The following SLC35F5 variants were observed in gnomAD, a reference collection of about 807,000 sequenced individuals.
SLC35F5 encodes solute carrier family 35 member F5.
In SLC35F5, 54 loss-of-function variants were observed where a neutral mutation model predicts 68.6. The observed-to-expected ratio is 0.79, with a 90% CI of 0.63 to 0.99. The LOEUF (loss-of-function observed/expected upper bound fraction) is 0.99. SLC35F5 is among the 50% of genes least tolerant of loss of function. The pLI is 0.00. For missense variants in SLC35F5, 567 were observed against 626.9 expected, an observed-to-expected ratio of 0.90 and a Z score of 1.02; for synonymous variants, 211 against 205.2, an observed-to-expected ratio of 1.03 and a Z score of -0.24.
At chr2:113,723,442 T>C (rs1250729735) in intron 12 of SLC35F5, among the ~76,000 whole-genome samples, 3 of 152,196 alleles carry the variant, frequency 2.0e-5, no homozygotes, top group African/African-American at 7.2e-5. Flanking sequence ...AAGAGCTGTT[T>C]GCAGATCTTA....
In SLC35F5 at chr2:113,717,769, A is replaced by C; in HGVS notation, c.*6T>G. Reference sequence around the variant, plus strand: ...CATACAAACCTGGGCTACAGACAACAGACAGCTAACTAGCTCCATCCTCCT... The same window carrying C: ...CATACAAACCTGGGCTACAGACAACCGACAGCTAACTAGCTCCATCCTCCT... On this transcript the variant is annotated 3_prime_UTR_variant, in exon 15 of 16. Transcript: ENST00000245680. The C allele has an allele frequency of 6.2e-7, 1 of 1,610,852 alleles. No individual in the cohort carries two copies. Among genetic ancestry groups the C allele is most frequent in the East Asian group, 2.2e-5 (1 of 44,850 alleles).
intron 10 of SLC35F5, 142 bp from the exon 11 acceptor site, chr2:113,729,647 T>C: frequency 1.7e-6 from 1 of 584,186 alleles, no homozygotes; most frequent in Non-Finnish European, 3.0e-6. Context: ...TTTATATTGA[T>C]ATAAAGATAT....
chr2:113,707,027 T>C lies in SLC35F5; in HGVS notation c.*8191A>G, dbSNP rs1686816931. ...TAGGAATTATAATTAATTTTATAAT[T>C]GTGTTTAAATTTTAAATACTCTAGA... On this transcript the variant is annotated 3_prime_UTR_variant, in exon 16 of 16. Coordinates refer to ENST00000245680, the MANE Select transcript of SLC35F5 (RefSeq NM_025181.5). Among the ~76,000 whole-genome samples the C allele has an allele frequency of 6.6e-6, 1 of 152,222 alleles. No homozygotes were observed. The highest frequency in any genetic ancestry group is 2.4e-5 in the African/African-American group (1 of 41,458).
intron 3 of SLC35F5, among the ~76,000 whole-genome samples, chr2:113,752,836 G>A (rs1227947126): frequency 6.6e-6 from 1 of 152,062 alleles, no homozygotes; most frequent in Non-Finnish European, 1.5e-5. Flanking sequence ...ATGATCTTAA[G>A]GAATTACAGT....
At chr2:113,706,355 CG>C (rs921228702), downstream of SLC35F5, among the ~76,000 whole-genome samples, 60 of 152,220 alleles carry the variant, frequency 3.9e-4, no homozygotes, top group Non-Finnish European at 7.4e-4. Flanking sequence ...TGCTCTGCTG[CG>C]GGGGTTGTGC....
At chr2:113,728,179 C>A (rs948392852) in intron 11 of SLC35F5, among the ~76,000 whole-genome samples, 6 of 152,000 alleles carry the variant, frequency 3.9e-5, no homozygotes, top group Non-Finnish European at 8.8e-5. Flanking sequence ...TTCTTGAATT[C>A]TATATTTAAA....
At chr2:113,722,293 G>T (rs188953992) in intron 13 of SLC35F5, among the ~76,000 whole-genome samples, 1 of 152,078 alleles carries the variant, frequency 6.6e-6, no homozygotes, top group Non-Finnish European at 1.5e-5. Flanking sequence ...AGAAAAATAG[G>T]TTTAAAATTT....
chr2:113,745,579 G>A (rs1676452854), intron 5 of SLC35F5, among the ~76,000 whole-genome samples: 1 of 152,092 alleles, frequency 6.6e-6, no homozygotes, highest in African/African-American at 2.4e-5. Context: ...CTGAGACAAG[G>A]TGATTGCTTA....
intron 4 of SLC35F5, among the ~76,000 whole-genome samples, chr2:113,747,503 C>G (rs989325566): frequency 2.0e-5 from 3 of 152,070 alleles, no homozygotes; most frequent in Admixed American, 1.3e-4. Context: ...TAAAAGAACC[C>G]TAACAAATCA....
In SLC35F5 at chr2:113,717,740, C is replaced by T. The variant is rs1358138925; in HGVS notation, c.*22+13G>A. On this transcript the variant is annotated intron_variant, in intron 15 of 15. Coordinates refer to ENST00000245680, the MANE Select transcript of SLC35F5 (RefSeq NM_025181.5). ...GAACCTTATTCAATACTAAACCCAG[C>T]TCACATACAAACCTGGGCTACAGAC... 1.3e-6 allele frequency: 2 copies of T among 1,536,742 alleles called. No individual in the cohort carries two copies. The highest frequency in any genetic ancestry group is 2.2e-5 in the East Asian group (1 of 44,446).
intron 8 of SLC35F5, 144 bp from the exon 9 acceptor site, chr2:113,734,817 A>C: frequency 1.7e-6 from 1 of 603,460 alleles, no homozygotes; most frequent in Non-Finnish European, 3.0e-6. Flanking sequence ...AAATGACTGC[A>C]GTTAAGTAAT....
At chr2:113,721,600 A>G (rs879880377) in intron 13 of SLC35F5, among the ~76,000 whole-genome samples, 3 of 152,146 alleles carry the variant, frequency 2.0e-5, no homozygotes, top group African/African-American at 7.2e-5. Context: ...TGTTTTTAAA[A>G]TATCAGTACA....
intron 14 of SLC35F5, among the ~76,000 whole-genome samples, chr2:113,718,885 GA>G (rs1687292179): frequency 6.9e-5 from 3 of 43,226 alleles, no homozygotes; most frequent in African/African-American, 1.8e-4. Context: ...AAGAAAGAAA[GA>G]AAGAAAGAAA....
rs780904923 is a variant in SLC35F5 at position 113,755,190 on chromosome 2, C to A, written c.248G>T (p.Trp83Leu). 2.5e-6 allele frequency: 4 copies of A among 1,613,974 alleles called. No homozygotes were observed. Residue 83 changes from tryptophan to leucine, a missense_variant, in exon 3 of 16, where the codon TGG becomes TTG. Coordinates refer to ENST00000245680, the MANE Select transcript of SLC35F5 (RefSeq NM_025181.5). ...IVILLLVDVI[W>L]VASSELTSYV... ...CGAAGTAAGTTCAGAGGAAGCAACC[C>A]ATATCACATCAACAAGCAGAAGAAT...
intron 11 of SLC35F5, among the ~76,000 whole-genome samples, chr2:113,727,286 AC>A (rs1349431410): frequency 1.3e-5 from 2 of 152,172 alleles, no homozygotes; most frequent in Admixed American, 1.3e-4. Context: ...TTTATAAATT[AC>A]CCAGTCTCAG....
At chr2:113,751,966 C>A (rs943264267) in intron 3 of SLC35F5, among the ~76,000 whole-genome samples, 2 of 152,194 alleles carry the variant, frequency 1.3e-5, no homozygotes, top group Admixed American at 1.3e-4. Flanking sequence ...AATCCCAACA[C>A]TTTGGAAGGC....
Position 113,719,248 on chromosome 2 carries a change from C to A in SLC35F5, c.1402G>T (p.Val468Leu). ...TTATTATAATGGCATAGGAGAGTTACAATAAAAAATGAAAAAAATACAGGG... is the reference window on the plus strand; with the variant it reads ...TTATTATAATGGCATAGGAGAGTTAAAATAAAAAATGAAAAAAATACAGGG... ...AIPVFFSFFI[V>L]TLLCHYNNWD... Residue 468 changes from valine to leucine, a missense_variant, in exon 14 of 16, where the codon GTA becomes TTA. Coordinates refer to ENST00000245680, the MANE Select transcript of SLC35F5 (RefSeq NM_025181.5). 1 of 1,597,154 alleles carries A rather than the reference C, an allele frequency of 6.3e-7. No homozygotes were observed. Among genetic ancestry groups the A allele is most frequent in the Non-Finnish European group, 8.5e-7 (1 of 1,176,244 alleles).
intron 7 of SLC35F5, among the ~76,000 whole-genome samples, chr2:113,737,009 A>G (rs372126556): frequency 2.0e-5 from 3 of 152,234 alleles, no homozygotes; most frequent in Non-Finnish European, 4.4e-5. Flanking sequence ...CACCTGGTGC[A>G]TAAGTACATG....
chr2:113,704,824 G>A (rs563394383), downstream of SLC35F5, among the ~76,000 whole-genome samples: 1 of 152,130 alleles, frequency 6.6e-6, no homozygotes, highest in Non-Finnish European at 1.5e-5. Flanking sequence ...AGCCGCCTCC[G>A]GCCTCGGCCA....
Sources: allele counts gnomAD v4.1 joint callset (sites outside exome capture counted in the v4.1 genomes callset), GRCh38; gene constraint gnomAD v4.1.1; transcripts MANE v1.5; gene names NCBI Gene and HGNC (gene_info 2026-07-23, HGNC 2026-07-21).